The following UBE2R2 variants were observed in gnomAD, a reference collection of about 807,000 sequenced individuals.
UBE2R2 encodes ubiquitin-conjugating enzyme E2 R2.
In UBE2R2, 1 loss-of-function variant was observed where a neutral mutation model predicts 27.8. The observed-to-expected ratio is 0.04, with a 90% confidence interval of 0.01 to 0.17. The LOEUF (loss-of-function observed/expected upper bound fraction) is 0.17, where lower values mean the gene tolerates loss of function less well. Among genes scored for constraint, UBE2R2 ranks in the 10% least tolerant of loss-of-function variants. UBE2R2 has a pLI of 1.00. For synonymous variants in UBE2R2, 106 were observed against 113.3 expected (o/e 0.94, Z 0.41); for missense variants, 100 against 291.0 (o/e 0.34, Z 4.78).
chr9:33,893,098 A>T (rs1029000788), intron 2 of UBE2R2, among the ~76,000 whole-genome samples: 2 of 152,158 alleles, frequency 1.3e-5, no homozygotes, highest in Admixed American at 1.3e-4. Flanking sequence ...TAAGTAAATA[A>T]ATAATCAATT....
chr9:33,836,400 C>A (rs1251216859), intron 1 of UBE2R2, among the ~76,000 whole-genome samples: 1 of 152,120 alleles, frequency 6.6e-6, no homozygotes, highest in African/African-American at 2.4e-5. Context: ...TGTCATTAGG[C>A]AACATATGAC....
chr9:33,834,868 C>T (rs1820580541), intron 1 of UBE2R2, among the ~76,000 whole-genome samples: 1 of 151,290 alleles, frequency 6.6e-6, no homozygotes, highest in South Asian at 2.1e-4. Context: ...CGAGATCGTG[C>T]CGTTGCACTC....
chr9:33,855,617 C>G (rs180805708), intron 1 of UBE2R2, among the ~76,000 whole-genome samples: 1 of 152,198 alleles, frequency 6.6e-6, no homozygotes, highest in Non-Finnish European at 1.5e-5. Context: ...TGATTGCTGT[C>G]ATTTTACCAT....
intron 1 of UBE2R2, among the ~76,000 whole-genome samples, chr9:33,870,167 G>A (rs750107350): frequency 3.3e-5 from 5 of 149,902 alleles, no homozygotes; most frequent in Non-Finnish European, 5.9e-5. Flanking sequence ...TTTTGAGATC[G>A]AATCTCGCTT....
chr9:33,819,888 C>T lies in UBE2R2; in HGVS notation c.177+1954C>T, dbSNP rs185865126. On this transcript the variant is annotated intron_variant, in intron 1 of 4. Transcript: ENST00000263228. ...TCCAGACCCTGTGATCAACCCGCCT[C>T]TGCCTCCCAAAGTGCTGGGATTACA... is the stretch of plus-strand genomic sequence containing the variant. Among the ~76,000 whole-genome samples, 592 of 152,358 alleles carry T rather than the reference C, an allele frequency of 3.9e-3. 3 individuals are homozygous for T. Among genetic ancestry groups the T allele is most frequent in the African/African-American group, 0.013 (554 of 41,588 alleles).
At chr9:33,874,597 C>T (rs960042884) in intron 1 of UBE2R2, among the ~76,000 whole-genome samples, 1 of 151,788 alleles carries the variant, frequency 6.6e-6, no homozygotes, top group Non-Finnish European at 1.5e-5. Context: ...TTATCCTACC[C>T]GCCCCCTCCT....
chr9:33,898,086 G>GT (rs141810267), intron 2 of UBE2R2, among the ~76,000 whole-genome samples: 1 of 151,076 alleles, frequency 6.6e-6, no homozygotes, highest in Non-Finnish European at 1.5e-5. Context: ...TCTTCTTTTT[G>GT]TTTTTTGTTT....
At chr9:33,840,848 C>T (rs1392792983) in intron 1 of UBE2R2, among the ~76,000 whole-genome samples, 2 of 151,890 alleles carry the variant, frequency 1.3e-5, no homozygotes, top group Non-Finnish European at 2.9e-5. Flanking sequence ...TGATTCTTTG[C>T]CTTTATTTAT....
rs1821872023 is a variant in UBE2R2 at position 33,886,939 on chromosome 9, C to G, written c.236C>G (p.Thr79Ser). The change falls in exon 2 of 5, where the codon ACC becomes AGC. Residue 79 changes from threonine to serine, a missense_variant. Physicochemically the swap from Thr to Ser is moderately conservative, Grantham distance 58. Around this residue, in one of 3 missense-constraint regions of UBE2R2, gnomAD observed 43 missense variants for 129.2 expected, o/e 0.33. Coordinates refer to ENST00000263228, the MANE Select transcript of UBE2R2 (RefSeq NM_017811.4). ...TCACCACCTACCTTCAGATTCTTGA[C>G]CAAAATGTGGCACCCCAACATTTAT... ...PYSPPTFRFL[T>S]KMWHPNIYEN... 1 of 1,600,946 alleles carries G rather than the reference C, an allele frequency of 6.2e-7. No individual in the cohort carries two copies.
chr9:33,900,154 G>A lies in UBE2R2; in HGVS notation c.265-20G>A. On this transcript the variant is annotated intron_variant, in intron 2 of 4. Transcript: ENST00000263228. ...ATCACTTTTTGAGTATTTACTGAAT[G>A]TAATGTTTGTGTCTTGTAGAATGGA... The A allele has an allele frequency of 4.4e-6, 7 of 1,593,674 alleles. No individual in the cohort carries two copies. Among genetic ancestry groups the A allele is most frequent in the Non-Finnish European group, 6.0e-6 (7 of 1,162,898 alleles).
At chr9:33,903,397 G>A (rs1822287374) in intron 3 of UBE2R2, among the ~76,000 whole-genome samples, 1 of 152,118 alleles carries the variant, frequency 6.6e-6, no homozygotes, top group African/African-American at 2.4e-5. Flanking sequence ...GTTGAACGTT[G>A]AATCAAATGC....
chr9:33,849,011 C>G (rs1056274958), intron 1 of UBE2R2, among the ~76,000 whole-genome samples: 3 of 151,916 alleles, frequency 2.0e-5, no homozygotes, highest in African/African-American at 7.3e-5. Context: ...AATCCCAGTA[C>G]TTTGGGAGGC....
In UBE2R2 at chr9:33,917,486, C is replaced by A. The variant is rs1462161886; in HGVS notation, c.*249C>A. 5.2e-6 allele frequency: 3 copies of A among 571,708 alleles called. No homozygotes were observed. Among genetic ancestry groups the A allele is most frequent in the Non-Finnish European group, 8.9e-6 (3 of 336,908 alleles). 35.4% of individuals were successfully genotyped at this position (571,708 alleles called of 1,614,324 possible). On this transcript the variant is annotated 3_prime_UTR_variant, in exon 5 of 5. Coordinates refer to ENST00000263228, the MANE Select transcript of UBE2R2 (RefSeq NM_017811.4). ...TTACCCTTCCATCACTATATTGATT[C>A]TTTTTTTAAAAAATATGAACCCAAA...
At chr9:33,832,762 TTTAA>T (rs1312500761) in intron 1 of UBE2R2, among the ~76,000 whole-genome samples, 3 of 152,190 alleles carry the variant, frequency 2.0e-5, no homozygotes, top group East Asian at 1.9e-4. Flanking sequence ...GAATCAAAAC[TTTAA>T]TTAAATTCTA....
At chr9:33,879,272 G>C (rs1008445365) in intron 1 of UBE2R2, among the ~76,000 whole-genome samples, 1 of 152,082 alleles carries the variant, frequency 6.6e-6, no homozygotes, top group Non-Finnish European at 1.5e-5. Flanking sequence ...AATTAAGTAA[G>C]GGTCGCTTAA....
chr9:33,903,171 A>G (rs1300893841), intron 3 of UBE2R2, among the ~76,000 whole-genome samples: 1 of 152,200 alleles, frequency 6.6e-6, no homozygotes, highest in Non-Finnish European at 1.5e-5. Context: ...CTACGTCTTC[A>G]GAAGTAATTG....
chr9:33,857,661 A>G (rs1432299859), intron 1 of UBE2R2, among the ~76,000 whole-genome samples: 2 of 152,218 alleles, frequency 1.3e-5, no homozygotes, highest in African/African-American at 4.8e-5. Flanking sequence ...ATGATAAACT[A>G]TACTTGAAAG....
At chr9:33,866,013 G>A (rs777528564) in intron 1 of UBE2R2, among the ~76,000 whole-genome samples, 15 of 151,486 alleles carry the variant, frequency 9.9e-5, no homozygotes, top group Non-Finnish European at 1.8e-4. Flanking sequence ...TGAATTTTTA[G>A]TACAGATGGG....
intron 1 of UBE2R2, among the ~76,000 whole-genome samples, chr9:33,836,484 G>A (rs1820617158): frequency 6.6e-6 from 1 of 152,096 alleles, no homozygotes; most frequent in Non-Finnish European, 1.5e-5. Context: ...TGCTGGGCTT[G>A]GTGGCTCATG....
Sources: allele counts gnomAD v4.1 joint callset (sites outside exome capture counted in the v4.1 genomes callset), GRCh38; gene constraint gnomAD v4.1.1; regional missense constraint gnomAD v4.1.1; transcripts MANE v1.5; gene names NCBI Gene and HGNC (gene_info 2026-07-23, HGNC 2026-07-21).